The following SEMA6D variants were observed in gnomAD, a reference collection of about 807,000 sequenced individuals.
SEMA6D encodes the protein semaphorin 6D.
Under a neutral mutation model 106.6 loss-of-function variants are expected in SEMA6D, and 35 were observed. The observed-to-expected ratio is 0.33, with a 90% CI of 0.25 to 0.44. The LOEUF is 0.44. Among genes scored for constraint, SEMA6D ranks in the 20% least tolerant of loss-of-function variants. The pLI, the probability that SEMA6D is intolerant of heterozygous loss-of-function variation, is 1.00. For missense variants in SEMA6D, 1,185 were observed against 1,345.9 expected (o/e 0.88, Z 1.87); for synonymous variants, 499 against 487.7 (o/e 1.02, Z -0.31).
chr15:47,332,886 C>T (rs947608537), intron 1 of SEMA6D, among the ~76,000 whole-genome samples: 1 of 152,092 alleles, frequency 6.6e-6, no homozygotes, highest in Non-Finnish European at 1.5e-5. Flanking sequence ...CACCATTCAG[C>T]CACAGGCGCA....
chr15:47,620,030 G>A (rs985979785), intron 4 of SEMA6D, among the ~76,000 whole-genome samples: 9 of 152,154 alleles, frequency 5.9e-5, no homozygotes, highest in South Asian at 4.2e-4. Context: ...AAGGGGTTGC[G>A]GTGACAGTGG....
chr15:47,650,843 C>T (rs79649609), intron 4 of SEMA6D, among the ~76,000 whole-genome samples: 3,254 of 152,210 alleles, frequency 0.021, 121 homozygotes, highest in African/African-American at 0.071. Context: ...CAGGAAATTA[C>T]GCTCAAATTT....
chr15:47,698,301 GA>G (rs935976119), intron 4 of SEMA6D, among the ~76,000 whole-genome samples: 1 of 151,888 alleles, frequency 6.6e-6, no homozygotes, highest in African/African-American at 2.4e-5. Flanking sequence ...AAAGAGATGA[GA>G]AAAAAAGGGC....
At chr15:47,704,844 C>T (rs554491962) in intron 4 of SEMA6D, among the ~76,000 whole-genome samples, 32 of 152,170 alleles carry the variant, frequency 2.1e-4, no homozygotes, top group Non-Finnish European at 3.7e-4. Context: ...TGTATTTTAC[C>T]AGTAAGAACT....
chr15:47,552,464 A>G (rs1057154927), intron 3 of SEMA6D, among the ~76,000 whole-genome samples: 1 of 149,482 alleles, frequency 6.7e-6, no homozygotes, highest in African/African-American at 2.5e-5. Flanking sequence ...GAAAATGGCA[A>G]TGTATGTGTG....
At chr15:47,479,000 C>A (rs183114397) in intron 3 of SEMA6D, among the ~76,000 whole-genome samples, 357 of 152,088 alleles carry the variant, frequency 2.3e-3, no homozygotes, top group Non-Finnish European at 3.8e-3. Context: ...CCCCCACCAC[C>A]CCATGATTCA....
intron 4 of SEMA6D, among the ~76,000 whole-genome samples, chr15:47,703,949 T>G (rs1051963528): frequency 2.6e-5 from 4 of 152,050 alleles, no homozygotes; most frequent in African/African-American, 9.7e-5. Context: ...TACATGGGGG[T>G]GTGTAAAAGA....
At chr15:47,531,461 A>G (rs1404764917) in intron 3 of SEMA6D, among the ~76,000 whole-genome samples, 1 of 152,254 alleles carries the variant, frequency 6.6e-6, no homozygotes, top group East Asian at 1.9e-4. Flanking sequence ...GATATTAGAA[A>G]GTAGCTACCC....
At chr15:47,413,056 A>G (rs1321054135) in intron 2 of SEMA6D, among the ~76,000 whole-genome samples, 1 of 152,188 alleles carries the variant, frequency 6.6e-6, no homozygotes, top group Non-Finnish European at 1.5e-5. Context: ...GACTGTTGAC[A>G]GACGGATGGC....
intron 3 of SEMA6D, among the ~76,000 whole-genome samples, chr15:47,485,495 T>C (rs747498745): frequency 1.2e-4 from 18 of 151,852 alleles, no homozygotes; most frequent in Non-Finnish European, 2.2e-4. Context: ...GAGAGTGAAA[T>C]AGTCTGGTTT....
chr15:47,429,802 A>G (rs2041464720), intron 2 of SEMA6D, among the ~76,000 whole-genome samples: 1 of 152,074 alleles, frequency 6.6e-6, no homozygotes, highest in Admixed American at 6.6e-5. Flanking sequence ...GGGAGTTTTG[A>G]AGTTTTCAGA....
intron 1 of SEMA6D, among the ~76,000 whole-genome samples, chr15:47,336,408 T>C (rs1404752590): frequency 3.9e-5 from 6 of 152,178 alleles, no homozygotes; most frequent in African/African-American, 1.2e-4. Context: ...AATTCTCCAC[T>C]TGATAATTAT....
intron 1 of SEMA6D, among the ~76,000 whole-genome samples, chr15:47,255,840 A>T (rs185458219): frequency 6.6e-6 from 1 of 152,202 alleles, no homozygotes; most frequent in African/African-American, 2.4e-5. Flanking sequence ...ACATGTCTGT[A>T]ATCTATTTCA....
At chr15:47,287,282 G>A (rs1054585333) in intron 1 of SEMA6D, among the ~76,000 whole-genome samples, 1 of 152,144 alleles carries the variant, frequency 6.6e-6, no homozygotes, top group African/African-American at 2.4e-5. Flanking sequence ...ATAAGCCTTT[G>A]TTAGGCTAAG....
intron 2 of SEMA6D, among the ~76,000 whole-genome samples, chr15:47,425,969 G>A (rs1440216005): frequency 6.6e-6 from 1 of 151,880 alleles, no homozygotes; most frequent in East Asian, 1.9e-4. Context: ...GTGTGTATTG[G>A]CTATAGGCAG....
chr15:47,634,840 A>G (rs116019562), intron 4 of SEMA6D, among the ~76,000 whole-genome samples: 2,613 of 151,956 alleles, frequency 0.017, 77 homozygotes, highest in African/African-American at 0.06. Context: ...TGGAAGTTCA[A>G]CTTCCCGCTT....
chr15:47,671,700 G>A (rs1316648173), intron 4 of SEMA6D, among the ~76,000 whole-genome samples: 1 of 152,160 alleles, frequency 6.6e-6, no homozygotes, highest in Non-Finnish European at 1.5e-5. Flanking sequence ...AGGAATAGCA[G>A]TTTGAAGGCT....
At chr15:47,203,482 T>C (rs781027899) in intron 1 of SEMA6D, among the ~76,000 whole-genome samples, 24 of 152,176 alleles carry the variant, frequency 1.6e-4, no homozygotes, top group Non-Finnish European at 3.4e-4. Context: ...AGACTTTATA[T>C]GTCTAAGAAC....
At chr15:47,431,097 T>C (rs934174862) in intron 2 of SEMA6D, among the ~76,000 whole-genome samples, 1 of 152,074 alleles carries the variant, frequency 6.6e-6, no homozygotes, top group African/African-American at 2.4e-5. Flanking sequence ...TTGAAATAAA[T>C]TTTTACTTTT....
Sources: allele counts gnomAD v4.1 joint callset (sites outside exome capture counted in the v4.1 genomes callset), GRCh38; gene constraint gnomAD v4.1.1; transcripts MANE v1.5; gene names NCBI Gene and HGNC (gene_info 2026-07-23, HGNC 2026-07-21).